Variants in CR1 observed in about 807,000 individuals in gnomAD.
CR1 encodes complement C3b/C4b receptor 1 (Knops blood group), also known as complement receptor type 1.
A neutral mutation model predicts 187.3 loss-of-function variants in CR1; 116 were observed. The observed-to-expected ratio is 0.62, with a 90% confidence interval of 0.53 to 0.72. The LOEUF (loss-of-function observed/expected upper bound fraction) is 0.72. Among genes scored for constraint, CR1 ranks in the 30% least tolerant of loss-of-function variants. CR1 has a pLI of 0.00. For synonymous variants in CR1, 576 were observed against 747.1 expected, an observed-to-expected ratio of 0.77 and a Z score of 3.73; for missense variants, 1,731 against 2,110.7, an observed-to-expected ratio of 0.82 and a Z score of 3.52.
chr1:207,587,620 C>A (rs189777507), intron 34 of CR1, 55 bp downstream of exon 34: 11 of 1,539,998 alleles, frequency 7.1e-6, no homozygotes, highest in South Asian at 6.1e-5. Context: ...TAGGTGGGAC[C>A]GGGCTTGGTG....
intron 38 of CR1, 24 bp from the exon 39 acceptor site, chr1:207,611,915 C>T: frequency 6.2e-7 from 1 of 1,613,938 alleles, no homozygotes; most frequent in Non-Finnish European, 8.5e-7. Flanking sequence ...GGACTTACTC[C>T]TGTTGTTTTA....
chr1:207,564,606 G>A (rs1314166264), intron 23 of CR1, among the ~76,000 whole-genome samples: 1 of 150,078 alleles, frequency 6.7e-6, no homozygotes, highest in Non-Finnish European at 1.5e-5. Context: ...TTGGAGACCA[G>A]CCTGGACAAC....
chr1:207,595,423 C>T lies in CR1; in HGVS notation c.5810+6649C>T, dbSNP rs531554002. ...AATCAAGATTAACAACAATGGGCCCCGGCCCTACATGGAAGAAAATTATGC... is the reference window on the plus strand; with the variant it reads ...AATCAAGATTAACAACAATGGGCCCTGGCCCTACATGGAAGAAAATTATGC... On this transcript the variant is annotated intron_variant, in intron 35 of 46. Coordinates refer to ENST00000367049, the MANE Select transcript of CR1 (RefSeq NM_000651.6). Among the ~76,000 whole-genome samples the T allele has an allele frequency of 1.7e-3, 251 of 152,104 alleles. 3 individuals carry two copies. The highest frequency in any genetic ancestry group is 5.9e-3 in the African/African-American group (246 of 41,510).
At chr1:207,630,923 C>G (rs781601368) in intron 46 of CR1, among the ~76,000 whole-genome samples, 1 of 152,072 alleles carries the variant, frequency 6.6e-6, no homozygotes, top group Non-Finnish European at 1.5e-5. Context: ...TTGTGGAACC[C>G]AAGAATTTGC....
At chr1:207,591,472 A>G (rs1428822062) in intron 35 of CR1, among the ~76,000 whole-genome samples, 1 of 151,706 alleles carries the variant, frequency 6.6e-6, no homozygotes, top group Non-Finnish European at 1.5e-5. Context: ...CTAAATTTAT[A>G]GCACTAAATG....
chr1:207,620,406 G>A (rs1662280350), intron 43 of CR1, among the ~76,000 whole-genome samples: 1 of 152,232 alleles, frequency 6.6e-6, no homozygotes, highest in African/African-American at 2.4e-5. Context: ...CAGCCGGCCT[G>A]TCTCCCTCAC....
chr1:207,607,308 A>G lies in CR1; in HGVS notation c.5868A>G (p.Thr1956=), dbSNP rs1661781863. ...GTCTCGTCTCAGGCAATAATGTCAC[A>G]TGGGATAAGAAGGCACCTATTTGTG... ...TTCLVSGNNV[T]WDKKAPICEI... Residue 1956 remains threonine, a synonymous_variant, in exon 36 of 47, where the codon ACA becomes ACG. Transcript: ENST00000367049. The G allele has an allele frequency of 2.5e-6, 4 of 1,613,462 alleles. No individual in the cohort carries two copies. In the East Asian group the frequency reaches 8.9e-5, roughly 36 times the overall value.
chr1:207,619,849 A>G, intron 42 of CR1, 31 bp from the exon 43 acceptor site: 1 of 1,533,436 alleles, frequency 6.5e-7, no homozygotes. Flanking sequence ...ACAATAAAAT[A>G]TCAATTTCTT....
At chr1:207,592,114 T>A (rs180812547) in intron 35 of CR1, among the ~76,000 whole-genome samples, 18 of 152,312 alleles carry the variant, frequency 1.2e-4, no homozygotes, top group Admixed American at 1.0e-3. Context: ...ATCATCCTGA[T>A]ACCAAAACCT....
intron 46 of CR1, among the ~76,000 whole-genome samples, chr1:207,634,911 T>C (rs1472182073): frequency 1.3e-5 from 2 of 152,316 alleles, no homozygotes; most frequent in South Asian, 2.1e-4. Flanking sequence ...TTTTCTAGAA[T>C]GGAAGGAGGC....
intron 4 of CR1, among the ~76,000 whole-genome samples, chr1:207,522,575 C>A (rs1045315921): frequency 3.9e-5 from 6 of 152,212 alleles, no homozygotes; most frequent in African/African-American, 1.4e-4. Flanking sequence ...GGATTCTCAT[C>A]TTCTCCTAGA....
At chr1:207,608,094 G>A (rs749735841) in intron 36 of CR1, among the ~76,000 whole-genome samples, 3 of 152,144 alleles carry the variant, frequency 2.0e-5, no homozygotes, top group Non-Finnish European at 2.9e-5. Flanking sequence ...ATAGTCCCAT[G>A]ATTTTGGTCC....
chr1:207,576,066 A>C (rs1660735596), intron 28 of CR1, among the ~76,000 whole-genome samples: 1 of 152,212 alleles, frequency 6.6e-6, no homozygotes. Flanking sequence ...CAAGCCATGC[A>C]GCTCTTTCTT....
chr1:207,510,947 G>T (rs1659595385), intron 3 of CR1, among the ~76,000 whole-genome samples: 1 of 151,600 alleles, frequency 6.6e-6, no homozygotes, highest in South Asian at 2.1e-4. Flanking sequence ...TCAGCCTCCT[G>T]AGTAGCTAGG....
At chr1:207,524,569 G>A (rs1463133590) in intron 5 of CR1, among the ~76,000 whole-genome samples, 2 of 151,918 alleles carry the variant, frequency 1.3e-5, no homozygotes, top group Non-Finnish European at 2.9e-5. Flanking sequence ...TATATTTTTT[G>A]TAGGGATAGA....
chr1:207,499,537 G>A (rs1659199503), intron 1 of CR1, among the ~76,000 whole-genome samples: 1 of 152,060 alleles, frequency 6.6e-6, no homozygotes, highest in South Asian at 2.1e-4. Flanking sequence ...AATCCACTTG[G>A]GTATAATTGA....
intron 23 of CR1, among the ~76,000 whole-genome samples, chr1:207,565,308 T>G (rs887007900): frequency 6.0e-5 from 9 of 150,376 alleles, no homozygotes; most frequent in Non-Finnish European, 1.2e-4. Context: ...CTTTTTCCCC[T>G]AGAATATTCA....
At chr1:207,572,265 C>G (rs2102330073) in intron 27 of CR1, among the ~76,000 whole-genome samples, 1 of 145,494 alleles carries the variant, frequency 6.9e-6, no homozygotes, top group Non-Finnish European at 1.5e-5. Flanking sequence ...TATCAAACAG[C>G]ATTGCATGCT....
chr1:207,517,237 C>A (rs1659834100), intron 4 of CR1, among the ~76,000 whole-genome samples: 1 of 151,900 alleles, frequency 6.6e-6, no homozygotes, highest in Admixed American at 6.6e-5. Flanking sequence ...ACCTATGTTG[C>A]TTGTGATGTG....
Sources: allele counts gnomAD v4.1 joint callset (sites outside exome capture counted in the v4.1 genomes callset), GRCh38; gene constraint gnomAD v4.1.1; transcripts MANE v1.5; gene names NCBI Gene and HGNC (gene_info 2026-07-23, HGNC 2026-07-21).